DNM2: variants seen among roughly 807,000 people sequenced by gnomAD.
DNM2 encodes the protein dynamin 2.
In DNM2, 15 loss-of-function variants were observed where a neutral mutation model predicts 99.0. The observed-to-expected ratio is 0.15, with a 90% CI of 0.10 to 0.23. The LOEUF is 0.23. Among genes scored for constraint, DNM2 ranks in the 10% least tolerant of loss-of-function variants. The pLI, the probability that DNM2 is intolerant of heterozygous loss-of-function variation, is 1.00. For synonymous variants in DNM2, 525 were observed against 481.2 expected (o/e 1.09, Z -1.19); for missense variants, 742 against 1,189.4 (o/e 0.62, Z 5.53).
chr19:10,761,454 C>A (rs1003074906), intron 2 of DNM2, among the ~76,000 whole-genome samples: 4 of 152,068 alleles, frequency 2.6e-5, no homozygotes, highest in Non-Finnish European at 5.9e-5. Flanking sequence ...AGCTGGAAAC[C>A]CCCTCGGGCC....
rs2068817566 is a variant in DNM2 at position 10,718,246 on chromosome 19, G to A, written c.4G>A (p.Gly2Ser). MGNRGMEELIPL... is the reference protein window; with the variant it reads MSNRGMEELIPL... Reference sequence around the variant, plus strand: ...CGGGCCGGGGGCCGCCGGCGCCATGGGCAACCGCGGGATGGAAGAGCTGAT... The same window carrying A: ...CGGGCCGGGGGCCGCCGGCGCCATGAGCAACCGCGGGATGGAAGAGCTGAT... The change falls in exon 1 of 21, where the codon GGC (glycine) becomes AGC (serine). Residue 2 changes from glycine to serine, a missense_variant. Around this residue, in one of 7 missense-constraint regions of DNM2, gnomAD observed 52 missense variants for 46.1 expected, o/e 1.13. Transcript: ENST00000389253. 6 of 1,480,468 alleles carry A rather than the reference G, an allele frequency of 4.1e-6. No homozygotes were observed. Among genetic ancestry groups the A allele is most frequent in the Non-Finnish European group, 5.4e-6 (6 of 1,113,630 alleles). The allele number at this position is 1,480,468 out of a possible 1,614,324, so 91.7% of individuals were successfully genotyped here.
intron 1 of DNM2, among the ~76,000 whole-genome samples, chr19:10,743,665 C>T (rs35519966): frequency 0.036 from 5,464 of 151,874 alleles, 114 homozygotes; most frequent in Non-Finnish European, 0.045. Context: ...AAAAAATTAG[C>T]CGGGTGTGGT....
chr19:10,802,601 T>C lies in DNM2; in HGVS notation c.1493+243T>C, dbSNP rs2072192151. ...CATGGTTAGTTTAGGGAGAGGGCAGTGCTATGTTCAGATCTGCAGGGAGAG... is the reference window on the plus strand; with the variant it reads ...CATGGTTAGTTTAGGGAGAGGGCAGCGCTATGTTCAGATCTGCAGGGAGAG... On this transcript the variant is annotated intron_variant, in intron 12 of 20. Coordinates refer to ENST00000389253, the MANE Select transcript of DNM2 (RefSeq NM_001005361.3). The C allele has an allele frequency of 1.4e-5, 8 of 583,312 alleles. 1 individual carries two copies. In the South Asian group the frequency reaches 1.5e-4, roughly 11 times the overall value. 36.1% of individuals were successfully genotyped at this position (583,312 alleles called of 1,614,324 possible). A position where few individuals can be genotyped will look rare whatever the true frequency, so the allele number is the denominator to read the frequency against.
At chr19:10,733,902 G>A (rs2069426751) in intron 1 of DNM2, among the ~76,000 whole-genome samples, 1 of 152,032 alleles carries the variant, frequency 6.6e-6, no homozygotes, top group African/African-American at 2.4e-5. Flanking sequence ...CAGCTATTTG[G>A]GAGGCTGAGG....
intron 1 of DNM2, among the ~76,000 whole-genome samples, chr19:10,726,336 C>A (rs1013180749): frequency 2.0e-5 from 3 of 151,938 alleles, no homozygotes; most frequent in Admixed American, 6.6e-5. Context: ...GGTGGAATTA[C>A]AGGTGTGAGC....
At chr19:10,773,179 G>C (rs1373213828) in intron 3 of DNM2, among the ~76,000 whole-genome samples, 1 of 136,924 alleles carries the variant, frequency 7.3e-6, no homozygotes, top group Admixed American at 8.0e-5. Context: ...ATGGAGTCTC[G>C]CTCTGTCGCC....
intron 10 of DNM2, among the ~76,000 whole-genome samples, chr19:10,798,178 G>T (rs914778554): frequency 2.0e-5 from 3 of 152,172 alleles, no homozygotes; most frequent in South Asian, 2.1e-4. Flanking sequence ...AGAGGGGGGT[G>T]CCCTGAAGCC....
At chr19:10,752,528 C>T (rs1764511970) in intron 1 of DNM2, among the ~76,000 whole-genome samples, 1 of 152,232 alleles carries the variant, frequency 6.6e-6, no homozygotes, top group Non-Finnish European at 1.5e-5. Flanking sequence ...AGGCAAACAC[C>T]AGAGGTCCAA....
chr19:10,782,217 A>G (rs1045659673), intron 5 of DNM2, among the ~76,000 whole-genome samples: 3 of 151,928 alleles, frequency 2.0e-5, no homozygotes, highest in African/African-American at 4.8e-5. Context: ...ATATTTTTGT[A>G]GAGATGGGGT....
chr19:10,831,640 C>T lies in DNM2; in HGVS notation c.*593C>T, dbSNP rs902357169. ...GAGGTGCCTTTGCTAGGCCCGGAGC[C>T]GTTGGCCCGGGCCGGCCTTGCCCTA... On this transcript the variant is annotated 3_prime_UTR_variant, in exon 21 of 21. Coordinates refer to ENST00000389253, the MANE Select transcript of DNM2 (RefSeq NM_001005361.3). The surrounding 1 kb of genome is among the most constrained non-coding windows in gnomAD (Gnocchi z 4.3). 36 of 986,034 alleles carry T rather than the reference C, an allele frequency of 3.7e-5. No homozygotes were observed. The highest frequency in any genetic ancestry group is 8.7e-5 in the African/African-American group (5 of 57,224). 61.1% of individuals were successfully genotyped at this position (986,034 alleles called of 1,614,324 possible).
rs573095407 is a variant in DNM2 at position 10,825,352 on chromosome 19, C to T, written c.2058+131C>T. ...GAGTTCAAGACCAGCCTGGCCAAAA[C>T]GGTGAAACCCCATCTCTACTAAAAA... On this transcript the variant is annotated intron_variant, in intron 18 of 20. Coordinates refer to ENST00000389253, the MANE Select transcript of DNM2 (RefSeq NM_001005361.3). 1,403 of 1,257,884 alleles carry T rather than the reference C, an allele frequency of 1.1e-3. 4 individuals are homozygous for T. The highest frequency in any genetic ancestry group is 8.6e-4 in the Non-Finnish European group (763 of 890,238). The allele number at this position is 1,257,884 out of a possible 1,614,324, so 77.9% of individuals were successfully genotyped here.
intron 2 of DNM2, among the ~76,000 whole-genome samples, chr19:10,760,474 A>G (rs2070583255): frequency 6.6e-6 from 1 of 152,114 alleles, no homozygotes; most frequent in Non-Finnish European, 1.5e-5. Flanking sequence ...CTGTCTACAA[A>G]GTCCCAGCAC....
At chr19:10,821,296 A>T (rs1200412728) in intron 16 of DNM2, among the ~76,000 whole-genome samples, 2 of 152,036 alleles carry the variant, frequency 1.3e-5, no homozygotes, top group African/African-American at 4.8e-5. Flanking sequence ...CTGTACAGGG[A>T]GGGTGACAAT....
chr19:10,743,302 G>A (rs2069827525), intron 1 of DNM2, among the ~76,000 whole-genome samples: 1 of 152,080 alleles, frequency 6.6e-6, no homozygotes, highest in Non-Finnish European at 1.5e-5. Context: ...CAAGACAGAC[G>A]AGATCCCTGT....
intron 8 of DNM2, among the ~76,000 whole-genome samples, chr19:10,794,806 C>G (rs7253140): frequency 0.013 from 2,045 of 152,166 alleles, 39 homozygotes; most frequent in African/African-American, 0.046. Flanking sequence ...GTGGTGCATA[C>G]TGATAGTCTG....
intron 1 of DNM2, among the ~76,000 whole-genome samples, chr19:10,743,986 GAAA>G (rs746134991): frequency 9.4e-6 from 1 of 106,532 alleles, no homozygotes. Context: ...ACTGTTTCCA[GAAA>G]AAAAAAAAAA....
chr19:10,787,328 A>G lies in DNM2; in HGVS notation c.992+622A>G, dbSNP rs543774432. Among the ~76,000 whole-genome samples the G allele has an allele frequency of 1.3e-4, 20 of 152,072 alleles. No homozygotes were observed. In the South Asian group the frequency reaches 4.2e-3, roughly 32 times the overall value. On this transcript the variant is annotated intron_variant, in intron 7 of 20. Coordinates refer to ENST00000389253, the MANE Select transcript of DNM2 (RefSeq NM_001005361.3). ...AAAAAAAAAATACAAAAAACTAGCC[A>G]GGCGTGGTGGTGGGCGCCTGTGGTC...
In DNM2 at chr19:10,831,796, CCT is replaced by C. The variant is rs1160759313; in HGVS notation, c.*756_*757del. ...TCCCTGATGGGTGGGCCCAGGGCGG[CCT>C]CTCTCTGAGGAGACCTCACCCACTC... On this transcript the variant is annotated 3_prime_UTR_variant, in exon 21 of 21. Coordinates refer to ENST00000389253, the MANE Select transcript of DNM2 (RefSeq NM_001005361.3). The surrounding 1 kb of genome is among the most constrained non-coding windows in gnomAD (Gnocchi z 4.3). 3 of 987,248 alleles carry C rather than the reference CCT, an allele frequency of 3.0e-6. No individual in the cohort carries two copies. The highest frequency in any genetic ancestry group is 1.1e-4 in the East Asian group (1 of 8,822). 61.2% of individuals were successfully genotyped at this position (987,248 alleles called of 1,614,324 possible).
intron 18 of DNM2, among the ~76,000 whole-genome samples, chr19:10,826,340 G>A (rs893290593): frequency 6.6e-6 from 1 of 151,844 alleles, no homozygotes; most frequent in Non-Finnish European, 1.5e-5. Flanking sequence ...TCAAACCCAC[G>A]TTTACCCTGG....
Sources: gnomAD v4.1 joint callset for allele counts (sites outside exome capture counted in the v4.1 genomes callset) on GRCh38, gnomAD v4.1.1 for gene constraint, gnomAD v4.1.1 regional missense constraint, Gnocchi (gnomAD v3.1) non-coding constraint, MANE v1.5 for transcripts, NCBI Gene and HGNC (gene_info 2026-07-23, HGNC 2026-07-21) for gene names.